The following RNF144A variants were observed in gnomAD, a reference collection of about 807,000 sequenced individuals.
RNF144A encodes the protein E3 ubiquitin-protein ligase RNF144A.
RNF144A carries 11 observed loss-of-function variants against 38.7 expected under a neutral mutation model. The ratio of observed to expected loss-of-function variants is 0.28; its 90% CI spans 0.18 to 0.47. RNF144A has a LOEUF of 0.47. Among genes scored for constraint, RNF144A ranks in the 20% least tolerant of loss-of-function variants. The pLI is 0.99. For missense variants in RNF144A, 316 were observed against 377.2 expected (o/e 0.84, Z 1.34); for synonymous variants, 149 against 143.9 (o/e 1.04, Z -0.25).
intron 2 of RNF144A, among the ~76,000 whole-genome samples, chr2:6,961,603 AAG>A (rs1205833372): frequency 6.6e-6 from 1 of 152,234 alleles, no homozygotes; most frequent in Non-Finnish European, 1.5e-5. Context: ...AGAGAACACT[AAG>A]AGAGGAAAGC....
At chr2:7,010,078 A>G (rs1670694100) in intron 3 of RNF144A, among the ~76,000 whole-genome samples, 2 of 152,262 alleles carry the variant, frequency 1.3e-5, no homozygotes, top group South Asian at 2.1e-4. Context: ...GAGGAGAAAC[A>G]TAAACAGACC....
intron 2 of RNF144A, among the ~76,000 whole-genome samples, chr2:6,983,111 GTGC>G (rs1349023472): frequency 6.6e-6 from 1 of 152,194 alleles, no homozygotes; most frequent in African/African-American, 2.4e-5. Context: ...TCCCATGCTT[GTGC>G]TGCTGGCTGT....
chr2:6,997,101 A>C (rs1289279807), intron 3 of RNF144A, 40 bp downstream of exon 3: 3 of 1,604,464 alleles, frequency 1.9e-6, no homozygotes, highest in Non-Finnish European at 2.6e-6. Context: ...CAGTGATTTT[A>C]GGATGAGCTT....
In RNF144A at chr2:7,037,989, C is replaced by T. The variant is rs540115559; in HGVS notation, c.748-1640C>T. Among the ~76,000 whole-genome samples the T allele has an allele frequency of 2.6e-5, 4 of 152,338 alleles. No individual in the cohort carries two copies. In the East Asian group the frequency reaches 5.8e-4, roughly 22 times the overall value. ...GCCTGGGTTGGGACTCTGTGAATGGCGAGGCCGGCTGGAAAGCAGGCTCTG... is the reference window on the plus strand; with the variant it reads ...GCCTGGGTTGGGACTCTGTGAATGGTGAGGCCGGCTGGAAAGCAGGCTCTG... On this transcript the variant is annotated intron_variant, in intron 8 of 8. Coordinates refer to ENST00000320892, the MANE Select transcript of RNF144A (RefSeq NM_014746.6).
chr2:7,024,411 C>T lies in RNF144A; in HGVS notation c.552C>T (p.Arg184=). ...KMEEDDAPIK[R]CPKCKVYIER... is the part of the protein sequence containing the mutation. ...AAGAAGATGACGCGCCCATCAAGCG[C>T]TGCCCCAAGTGCAAAGTCTACATCG... Residue 184 remains arginine, a synonymous_variant, in exon 7 of 9, where the codon CGC becomes CGT. Transcript: ENST00000320892. The T allele has an allele frequency of 1.9e-6, 3 of 1,612,128 alleles. No homozygotes were observed. Among genetic ancestry groups the T allele is most frequent in the African/African-American group, 2.7e-5 (2 of 75,042 alleles).
In RNF144A at chr2:6,993,053, C is replaced by T. The variant is rs75308388; in HGVS notation, c.-11-3863C>T. Among the ~76,000 whole-genome samples the T allele has an allele frequency of 4.4e-3, 671 of 152,272 alleles. 6 individuals carry two copies. The highest frequency in any genetic ancestry group is 0.015 in the African/African-American group (640 of 41,558). On this transcript the variant is annotated intron_variant, in intron 2 of 8. Coordinates refer to ENST00000320892, the MANE Select transcript of RNF144A (RefSeq NM_014746.6). The stretch of plus-strand genomic sequence containing the variant: ...TCTTAGCATAATCTGATTGCAAGTT[C>T]GCAGCTGTTCGCTGTTTGCAAAATC...
chr2:6,948,956 T>C (rs1423818020), intron 2 of RNF144A, among the ~76,000 whole-genome samples: 12 of 152,204 alleles, frequency 7.9e-5, no homozygotes, highest in African/African-American at 2.9e-4. Context: ...TGAAGTCCAT[T>C]GGTGGACGAG....
intron 2 of RNF144A, among the ~76,000 whole-genome samples, chr2:6,977,489 C>T (rs1459058143): frequency 6.6e-6 from 1 of 152,224 alleles, no homozygotes; most frequent in African/African-American, 2.4e-5. Context: ...AGGATCGCAC[C>T]TCATTACTAG....
rs745835992 is a variant in RNF144A at position 7,039,637 on chromosome 2, C to T, written c.756C>T (p.Gly252=). The T allele has an allele frequency of 3.1e-6, 5 of 1,613,752 alleles. No individual in the cohort carries two copies. The highest frequency in any genetic ancestry group is 3.4e-6 in the Non-Finnish European group (4 of 1,179,924). The change falls in exon 9 of 9, where the codon GGC becomes GGT. Residue 252 remains glycine (G), a synonymous_variant. Transcript: ENST00000320892. ...TTGTTTCTTTCTTCCAGGTTGTGGG[C>T]ATTTTTGCAGGATTTGGGCTGCTGC... is the stretch of plus-strand genomic sequence containing the variant. The part of the protein sequence containing the change: ...SVIWHRTQVV[G]IFAGFGLLLL...
rs1177465262 is a variant in RNF144A, at chr2:6,944,625, A to G, written c.-12+3478A>G. On this transcript the variant is annotated intron_variant, in intron 2 of 8. Coordinates refer to ENST00000320892, the MANE Select transcript of RNF144A (RefSeq NM_014746.6). This position sits in a 1 kb window ranked among gnomAD's most constrained non-coding sequence, Gnocchi z 4.7. The stretch of plus-strand genomic sequence containing the variant: ...AACTTTAACATATTAGGATTATTGC[A>G]TCTTTCCCTGCAGTGCTTTTGCTGG... Among the ~76,000 whole-genome samples, 5 of 152,062 alleles carry G rather than the reference A, an allele frequency of 3.3e-5. No individual in the cohort carries two copies. The highest frequency in any genetic ancestry group is 5.9e-5 in the Non-Finnish European group (4 of 68,006).
At chr2:7,062,750 G>A (rs1226690378) in intron 6 of RNF144A, 2 of 152,160 alleles carry the variant, frequency 1.3e-5, no homozygotes, top group African/African-American at 4.8e-5. Context: ...TGGAAGCAGA[G>A]TCTCTCCCCT....
At chr2:7,020,709 A>T (rs1486099025) in intron 6 of RNF144A, 29 bp downstream of exon 6, 1 of 1,586,354 alleles carries the variant, frequency 6.3e-7, no homozygotes, top group Admixed American at 1.7e-5. Flanking sequence ...CTGCCACCAA[A>T]GGCATGGCTG....
At chr2:6,986,095 C>A (rs1668945739) in intron 2 of RNF144A, among the ~76,000 whole-genome samples, 1 of 152,076 alleles carries the variant, frequency 6.6e-6, no homozygotes, top group Non-Finnish European at 1.5e-5. Context: ...GAAGGCTGCA[C>A]AGGTTTAGAG....
At chr2:7,017,600 A>G (rs527850604) in intron 5 of RNF144A, among the ~76,000 whole-genome samples, 92 of 152,356 alleles carry the variant, frequency 6.0e-4, no homozygotes, top group African/African-American at 2.2e-3. Context: ...TGCATTTTTA[A>G]GCAGGGAGTT....
rs1424870891 is a variant in RNF144A at position 6,944,140 on chromosome 2, C to T, written c.-12+2993C>T. Among the ~76,000 whole-genome samples the T allele has an allele frequency of 6.6e-6, 1 of 151,888 alleles. No individual in the cohort carries two copies. Among genetic ancestry groups the T allele is most frequent in the East Asian group, 1.9e-4 (1 of 5,178 alleles). ...ACAGGGAAGTGAGGAGAGAGGACAG[C>T]GGGTCTGAGGGAGGAAGGAGCAGAG... On this transcript the variant is annotated intron_variant, in intron 2 of 8. Transcript: ENST00000320892. This position sits in a 1 kb window ranked among gnomAD's most constrained non-coding sequence, Gnocchi z 4.7.
At position 7,040,793 on chromosome 2, in the gene RNF144A, C is replaced by T. The variant is rs746692917; in HGVS notation, c.*1033C>T. 314 of 985,460 alleles carry T rather than the reference C, an allele frequency of 3.2e-4. 4 individuals are homozygous for T. The highest frequency in any genetic ancestry group is 2.1e-3 in the Middle Eastern group (4 of 1,914). The allele number at this position is 985,460 out of a possible 1,614,324, so 61.0% of individuals were successfully genotyped here. A position where few individuals can be genotyped will look rare whatever the true frequency, so the allele number is the denominator to read the frequency against. On this transcript the variant is annotated 3_prime_UTR_variant, in exon 9 of 9. Transcript: ENST00000320892. ...TAGGGAAGAGCCTGCCAGATTTTCA[C>T]ATTTTTAAAATGTTCTAGTCATTTT...
intron 2 of RNF144A, among the ~76,000 whole-genome samples, chr2:6,991,822 A>T (rs1669402892): frequency 6.6e-6 from 1 of 152,126 alleles, no homozygotes; most frequent in Admixed American, 6.5e-5. Flanking sequence ...TCTCATAAAT[A>T]CATATATATA....
chr2:7,073,716 TC>T, the RNF144A span, among the ~76,000 whole-genome samples: 2 of 152,226 alleles, frequency 1.3e-5, no homozygotes, highest in Non-Finnish European at 2.9e-5. Context: ...TCTAAGCACA[TC>T]CCATGTGTGA....
intron 2 of RNF144A, among the ~76,000 whole-genome samples, chr2:6,966,452 C>T (rs941312005): frequency 8.5e-5 from 13 of 152,218 alleles, no homozygotes; most frequent in African/African-American, 1.4e-4. Context: ...ACTAAACAGC[C>T]GTGGTCAGCG....
Sources: gnomAD v4.1 joint callset for allele counts (sites outside exome capture counted in the v4.1 genomes callset) on GRCh38, gnomAD v4.1.1 for gene constraint, Gnocchi (gnomAD v3.1) non-coding constraint, MANE v1.5 for transcripts, NCBI Gene and HGNC (gene_info 2026-07-23, HGNC 2026-07-21) for gene names.